The following EZR variants were observed in gnomAD, a reference collection of about 807,000 sequenced individuals.
The protein encoded by EZR is ezrin, also known as cytovillin 2.
A neutral mutation model predicts 74.8 loss-of-function variants in EZR; 40 were observed. The ratio of observed to expected loss-of-function variants is 0.53; its 90% CI spans 0.42 to 0.70. The LOEUF (loss-of-function observed/expected upper bound fraction) is 0.70, where lower values mean the gene tolerates loss of function less well. Ranked by LOEUF, EZR falls within the 30% of genes least tolerant of loss-of-function variation. The probability of loss-of-function intolerance (pLI) is 0.00; values close to 1 mark genes in which losing one functional copy is unlikely to be tolerated. For synonymous variants in EZR, 341 were observed against 283.3 expected (o/e 1.20, Z -2.05); for missense variants, 678 against 755.8 (o/e 0.90, Z 1.21).
rs2230143 is a variant in EZR, at chr6:158,767,377, C to G, written c.1480G>C (p.Ala494Pro). The G allele has an allele frequency of 3.0e-3, 4,863 of 1,613,982 alleles. 119 individuals carry two copies. In the African/African-American group the frequency reaches 0.057, roughly 19 times the overall value. Reference protein sequence around the residue: ...HVQESLQDEGAEPTGYSAELS... With the variant: ...HVQESLQDEGPEPTGYSAELS... ...TCCGCGCTGTAGCCCGTGGGCTCTG[C>G]GCCCTCATCCTGCAAGCTCTCCTGG... The change falls in exon 13 of 14, where the codon GCA becomes CCA. Residue 494 changes from alanine to proline, a missense_variant. Physicochemically the swap from Ala to Pro is conservative, Grantham distance 27. This residue lies in a region of EZR where 342 missense variants were observed against 341.2 expected (regional missense o/e 1.00). Transcript: ENST00000367075.
At chr6:158,787,229 C>T (rs963271099) in intron 3 of EZR, 26 bp from the exon 4 acceptor site, 63 of 1,586,824 alleles carry the variant, frequency 4.0e-5, no homozygotes, top group Non-Finnish European at 5.5e-5. Flanking sequence ...AGAGGCTCAA[C>T]ACTCATGAGA....
chr6:158,770,747 GCCCC>G lies in EZR; in HGVS notation c.1090+13_1090+16del. The G allele has an allele frequency of 6.2e-7, 1 of 1,614,050 alleles. No homozygotes were observed. Among genetic ancestry groups the G allele is most frequent in the Non-Finnish European group, 8.5e-7 (1 of 1,179,992 alleles). On this transcript the variant is annotated intron_variant, in intron 10 of 13. Transcript: ENST00000367075. ...ATGCATGACCCAGTGTAGAGTGCCA[GCCCC>G]AGGGCGCCTGACCTCTCTCTGCCTT...
chr6:158,766,835 G>A lies in EZR; in HGVS notation c.*79C>T. 7.5e-7 allele frequency: 1 copy of A among 1,332,826 alleles called. No homozygotes were observed. Among genetic ancestry groups the A allele is most frequent in the Non-Finnish European group, 1.0e-6 (1 of 959,740 alleles). 82.6% of individuals were successfully genotyped at this position (1,332,826 alleles called of 1,614,324 possible). ...GGATCTGAGGGAGTTCCTAGACTTGGAGCACTAAAGACACAAGCGTGGCGG... is the reference window on the plus strand; with the variant it reads ...GGATCTGAGGGAGTTCCTAGACTTGAAGCACTAAAGACACAAGCGTGGCGG... On this transcript the variant is annotated 3_prime_UTR_variant, in exon 14 of 14. Transcript: ENST00000367075.
intron 2 of EZR, among the ~76,000 whole-genome samples, chr6:158,809,890 A>C (rs1278535615): frequency 1.3e-5 from 2 of 152,216 alleles, no homozygotes; most frequent in East Asian, 3.8e-4. Flanking sequence ...GGGAGACCAA[A>C]TAAAAACAGG....
rs771939955 is a variant in EZR, at chr6:158,767,402, G to A, written c.1455C>T (p.Val485=). The A allele has an allele frequency of 6.2e-7, 1 of 1,612,602 alleles. No individual in the cohort carries two copies. Among genetic ancestry groups the A allele is most frequent in the Non-Finnish European group, 8.5e-7 (1 of 1,179,592 alleles). ...PPVYEPVSYH[V]QESLQDEGAE... is the part of the protein sequence containing the mutation. ...CGCCCTCATCCTGCAAGCTCTCCTG[G>A]ACATGGTAGCTCACCGGCTCGTACA... Residue 485 remains valine, a synonymous_variant, in exon 13 of 14, where the codon GTC becomes GTT. Coordinates refer to ENST00000367075, the MANE Select transcript of EZR (RefSeq NM_001111077.2).
At chr6:158,801,858 G>C (rs1024546902) in intron 2 of EZR, among the ~76,000 whole-genome samples, 2 of 152,244 alleles carry the variant, frequency 1.3e-5, no homozygotes, top group Non-Finnish European at 2.9e-5. Context: ...CCAGGTGGCA[G>C]AGTTCCGAGT....
At chr6:158,785,287 G>A in intron 5 of EZR, 22 bp downstream of exon 5, 2 of 1,609,628 alleles carry the variant, frequency 1.2e-6, no homozygotes, top group East Asian at 2.2e-5. Flanking sequence ...CTCCTGCCCA[G>A]GCCGGGTCAT....
chr6:158,780,245 GATA>G (rs1326337715), intron 7 of EZR, among the ~76,000 whole-genome samples: 1 of 151,542 alleles, frequency 6.6e-6, no homozygotes, highest in Admixed American at 6.6e-5. Flanking sequence ...AGCTGAGTGT[GATA>G]ATGTTCTACA....
chr6:158,772,670 A>G (rs745652521), intron 8 of EZR, among the ~76,000 whole-genome samples: 1 of 152,218 alleles, frequency 6.6e-6, no homozygotes, highest in Non-Finnish European at 1.5e-5. Flanking sequence ...CTTACAAGAC[A>G]GAAGAATATG....
In EZR at chr6:158,771,332, A is replaced by G; in HGVS notation, c.871T>C (p.Tyr291His). The G allele has an allele frequency of 3.1e-6, 5 of 1,614,188 alleles. No individual in the cohort carries two copies. The highest frequency in any genetic ancestry group is 4.2e-6 in the Non-Finnish European group (5 of 1,180,022). ...LQLCMGNHEL[Y>H]MRRRKPDTIE... ...GTGTCAGGCTTCCTGCGGCGCATAT[A>G]CAACTCATGGTTGCCCATGCAGAGC... Residue 291 changes from tyrosine to histidine, a missense_variant, in exon 9 of 14, where the codon TAT (tyrosine) becomes CAT (histidine). Tyr to His is a moderately conservative substitution (Grantham distance 83). Around this residue, in one of 3 missense-constraint regions of EZR, gnomAD observed 119 missense variants for 182.3 expected, o/e 0.65. Coordinates refer to ENST00000367075, the MANE Select transcript of EZR (RefSeq NM_001111077.2).
Position 158,767,360 on chromosome 6 carries a change from G to A in EZR, c.1497C>T (p.Tyr499=), listed in dbSNP as rs1790918763. The part of the protein sequence containing the change: ...LQDEGAEPTG[Y]SAELSSEGIR... Reference sequence around the variant, plus strand: ...TGCCCTCACTAGACAGCTCCGCGCTGTAGCCCGTGGGCTCTGCGCCCTCAT... The same window carrying A: ...TGCCCTCACTAGACAGCTCCGCGCTATAGCCCGTGGGCTCTGCGCCCTCAT... The change falls in exon 13 of 14, where the codon TAC becomes TAT. Residue 499 remains tyrosine, a synonymous_variant. Transcript: ENST00000367075. 6 of 1,613,956 alleles carry A rather than the reference G, an allele frequency of 3.7e-6. No homozygotes were observed. Among genetic ancestry groups the A allele is most frequent in the East Asian group, 2.2e-5 (1 of 44,870 alleles).
At chr6:158,818,883 GA>G (rs1243491926) in intron 1 of EZR, among the ~76,000 whole-genome samples, 4 of 152,106 alleles carry the variant, frequency 2.6e-5, no homozygotes, top group African/African-American at 9.7e-5. Context: ...GATCCGTGGA[GA>G]GGGGGCGCGG....
At chr6:158,797,692 G>C (rs1192868488) in intron 2 of EZR, among the ~76,000 whole-genome samples, 2 of 152,184 alleles carry the variant, frequency 1.3e-5, no homozygotes, top group African/African-American at 4.8e-5. Context: ...GTATGATAGG[G>C]AAAATTCTTA....
At chr6:158,815,695 C>T (rs1320593033) in intron 2 of EZR, among the ~76,000 whole-genome samples, 1 of 152,116 alleles carries the variant, frequency 6.6e-6, no homozygotes, top group Non-Finnish European at 1.5e-5. Flanking sequence ...CTCCTGGGCT[C>T]ATGTGATCTG....
intron 2 of EZR, among the ~76,000 whole-genome samples, chr6:158,816,493 ATCT>A (rs1183418604): frequency 3.9e-5 from 6 of 152,294 alleles, no homozygotes; most frequent in Non-Finnish European, 7.3e-5. Flanking sequence ...CAGAAGGGTA[ATCT>A]TCTTGACCAC....
intron 2 of EZR, 27 bp downstream of exon 2, chr6:158,818,055 G>A: frequency 1.2e-6 from 2 of 1,606,982 alleles, no homozygotes; most frequent in Non-Finnish European, 1.7e-6. Context: ...TCTCCCGTCC[G>A]CCCGGCCCAG....
intron 9 of EZR, 84 bp downstream of exon 9, chr6:158,771,160 T>A: frequency 6.6e-7 from 1 of 1,504,246 alleles, no homozygotes; most frequent in Non-Finnish European, 8.9e-7. Flanking sequence ...CCCCATCAGC[T>A]CCACAGTCAC....
intron 2 of EZR, among the ~76,000 whole-genome samples, chr6:158,791,139 A>C (rs1450270343): frequency 9.7e-6 from 1 of 102,676 alleles, no homozygotes; most frequent in Non-Finnish European, 2.0e-5. Flanking sequence ...AGATCCTCTA[A>C]CATGCATCCA....
chr6:158,800,515 G>A (rs6455605), intron 2 of EZR, among the ~76,000 whole-genome samples: 61,939 of 152,030 alleles, frequency 0.41, 13,288 homozygotes, highest in Non-Finnish European at 0.49. Context: ...AATACATGAC[G>A]CTAGGCTGGG....
Sources: gnomAD v4.1 joint callset for allele counts (sites outside exome capture counted in the v4.1 genomes callset) on GRCh38, gnomAD v4.1.1 for gene constraint, gnomAD v4.1.1 regional missense constraint, MANE v1.5 for transcripts, NCBI Gene and HGNC (gene_info 2026-07-23, HGNC 2026-07-21) for gene names.